Variants in AHDC1 observed in about 807,000 individuals in gnomAD.
The protein encoded by AHDC1 is AT-hook DNA binding motif containing 1.
In AHDC1, 7 loss-of-function variants were observed where a neutral mutation model predicts 87.9. The observed-to-expected ratio is 0.08, with a 90% CI of 0.05 to 0.15. The LOEUF (loss-of-function observed/expected upper bound fraction) is 0.15, where lower values mean the gene tolerates loss of function less well. AHDC1 is among the 10% of genes least tolerant of loss of function. The pLI is 1.00. For synonymous variants in AHDC1, 1,051 were observed against 1,006.8 expected, an observed-to-expected ratio of 1.04 and a Z score of -0.83; for missense variants, 1,841 against 2,253.2, an observed-to-expected ratio of 0.82 and a Z score of 3.70.
rs1474569517 is a variant in AHDC1 at position 27,548,838 on chromosome 1, T to TGGAAGGAGG, written c.3269_3277dup (p.Phe1092_Gln1093insProSerPhe). Reference sequence around the variant, plus strand: ...CTGCCGACAGTTCTCGGGCGAGGGCTGGAAGGAGGAGGAGGAGGAGGAGGC... The same window carrying TGGAAGGAGG: ...CTGCCGACAGTTCTCGGGCGAGGGCTGGAAGGAGGGGAAGGAGGAGGAGGAGGAGGAGGC... On this transcript the variant is annotated inframe_insertion, in exon 8 of 9. Coordinates refer to ENST00000673934, the MANE Select transcript of AHDC1 (RefSeq NM_001371928.1). The TGGAAGGAGG allele has an allele frequency of 1.2e-6, 2 of 1,612,724 alleles. No homozygotes were observed. Among genetic ancestry groups the TGGAAGGAGG allele is most frequent in the Non-Finnish European group, 8.5e-7 (1 of 1,179,812 alleles).
chr1:27,588,935 G>A (rs895227569), intron 3 of AHDC1, among the ~76,000 whole-genome samples: 1 of 152,222 alleles, frequency 6.6e-6, no homozygotes, highest in South Asian at 2.1e-4. Flanking sequence ...ACACATGAAG[G>A]AAGGGTGAGT....
intron 3 of AHDC1, among the ~76,000 whole-genome samples, chr1:27,602,998 C>T: frequency 7.0e-6 from 1 of 143,134 alleles, no homozygotes; most frequent in South Asian, 2.5e-4. Flanking sequence ...CCCCCCCCCC[C>T]ACATTCTCAG....
rs759224735 is a variant in AHDC1 at position 27,551,000 on chromosome 1, G to A, written c.1116C>T (p.Gly372=). 9 of 1,572,612 alleles carry A rather than the reference G, an allele frequency of 5.7e-6. No homozygotes were observed. In the African/African-American group the frequency reaches 9.5e-5, roughly 17 times the overall value. The change falls in exon 8 of 9, where the codon GGC becomes GGT. Residue 372 remains glycine (G), a synonymous_variant. Transcript: ENST00000673934. ...PLRLDLCSPH[G]PPGPEGHPKY... is the part of the protein sequence containing the mutation. ...TGGGGTGACCCTCAGGCCCGGGGGG[G>A]CCGTGCGGTGAGCACAAGTCCAGGC... is the stretch of plus-strand genomic sequence containing the variant.
At chr1:27,557,424 C>A (rs564798849) in intron 5 of AHDC1, among the ~76,000 whole-genome samples, 1 of 152,014 alleles carries the variant, frequency 6.6e-6, no homozygotes, top group African/African-American at 2.4e-5. Flanking sequence ...CACGCCCCCC[C>A]GCTCCCCGCC....
chr1:27,574,227 G>A (rs1438135146), intron 3 of AHDC1, among the ~76,000 whole-genome samples: 1 of 152,230 alleles, frequency 6.6e-6, no homozygotes, highest in Non-Finnish European at 1.5e-5. Context: ...CCCAGTGGAA[G>A]GCAAAAGGAG....
intron 8 of AHDC1, among the ~76,000 whole-genome samples, chr1:27,536,390 G>T (rs1160544966): frequency 6.6e-6 from 1 of 152,200 alleles, no homozygotes; most frequent in African/African-American, 2.4e-5. Context: ...CTGCATCTTT[G>T]TTAAGCTGTC....
intron 5 of AHDC1, among the ~76,000 whole-genome samples, chr1:27,557,927 G>C (rs902342223): frequency 6.6e-6 from 1 of 152,154 alleles, no homozygotes; most frequent in Non-Finnish European, 1.5e-5. Flanking sequence ...TTGCACACAA[G>C]CTTGAGTGCC....
intron 3 of AHDC1, among the ~76,000 whole-genome samples, chr1:27,566,083 G>A (rs1271078584): frequency 6.6e-6 from 1 of 152,166 alleles, no homozygotes; most frequent in Admixed American, 6.5e-5. Flanking sequence ...GGCCTGGGAA[G>A]GAAACAACCT....
rs1308397714 is a variant in AHDC1, at chr1:27,590,149, G to A, written c.-629+13248C>T. Among the ~76,000 whole-genome samples the A allele has an allele frequency of 1.3e-5, 2 of 152,154 alleles. No individual in the cohort carries two copies. The highest frequency in any genetic ancestry group is 2.9e-5 in the Non-Finnish European group (2 of 67,994). On this transcript the variant is annotated intron_variant, in intron 3 of 8. Coordinates refer to ENST00000673934, the MANE Select transcript of AHDC1 (RefSeq NM_001371928.1). This position sits in a 1 kb window ranked among gnomAD's most constrained non-coding sequence, Gnocchi z 5.4. ...AGGGGAGGGATGAGCTGCAGGCCCCGGCCGGGATTTTCCATCTCTCAGCAA... is the reference window on the plus strand; with the variant it reads ...AGGGGAGGGATGAGCTGCAGGCCCCAGCCGGGATTTTCCATCTCTCAGCAA...
At chr1:27,538,530 T>C (rs2018755019) in intron 8 of AHDC1, among the ~76,000 whole-genome samples, 1 of 151,798 alleles carries the variant, frequency 6.6e-6, no homozygotes. Context: ...TTGTTTTTTT[T>C]TTGAGACAGG....
rs570409811 is a variant in AHDC1 at position 27,562,002 on chromosome 1, A to G, written c.-628-3119T>C. On this transcript the variant is annotated intron_variant, in intron 3 of 8. Coordinates refer to ENST00000673934, the MANE Select transcript of AHDC1 (RefSeq NM_001371928.1). This position sits in a 1 kb window ranked among gnomAD's most constrained non-coding sequence, Gnocchi z 4.4. ...AGTAAGGACCAAGGAAGAGCCCCAG[A>G]GGGGAGAGAGGCACGGGGGAAGCGA... is the stretch of plus-strand genomic sequence containing the variant. Among the ~76,000 whole-genome samples, 385 of 152,086 alleles carry G rather than the reference A, an allele frequency of 2.5e-3. 3 individuals carry two copies. Among genetic ancestry groups the G allele is most frequent in the African/African-American group, 8.9e-3 (370 of 41,468 alleles).
intron 3 of AHDC1, among the ~76,000 whole-genome samples, chr1:27,576,213 TGG>T (rs1247274325): frequency 6.6e-6 from 1 of 152,094 alleles, no homozygotes; most frequent in Non-Finnish European, 1.5e-5. Flanking sequence ...ACCTGTAAAT[TGG>T]GGTTGAGCTA....
chr1:27,557,848 G>C (rs1011862771), intron 5 of AHDC1, among the ~76,000 whole-genome samples: 1 of 152,132 alleles, frequency 6.6e-6, no homozygotes, highest in Non-Finnish European at 1.5e-5. Flanking sequence ...CCCCAGCCCA[G>C]TCCACTTACA....
intron 3 of AHDC1, among the ~76,000 whole-genome samples, chr1:27,597,470 G>C (rs1357830578): frequency 1.3e-5 from 2 of 152,136 alleles, no homozygotes; most frequent in East Asian, 3.8e-4. Flanking sequence ...GTGAATGTGA[G>C]GGGGTGTTTC....
chr1:27,548,951 G>A lies in AHDC1; in HGVS notation c.3165C>T (p.Arg1055=), dbSNP rs1034118452. ...AGACTGTGCTGGCCCGGCTGTCACA[G>A]CGCAGGGGCGTGGGGGCTGAACCAG... ...PFSGSAPTPL[R]CDSRASTVSP... The change falls in exon 8 of 9, where the codon CGC becomes CGT. Residue 1055 remains arginine (R), a synonymous_variant. Transcript: ENST00000673934. The A allele has an allele frequency of 1.9e-6, 3 of 1,579,440 alleles. No homozygotes were observed. In the Admixed American group the frequency reaches 5.4e-5, roughly 29 times the overall value.
chr1:27,549,550 C>T lies in AHDC1; in HGVS notation c.2566G>A (p.Ala856Thr). The change falls in exon 8 of 9, where the codon GCC becomes ACC. Residue 856 changes from alanine to threonine, a missense_variant. By Grantham distance (58) the Ala-to-Thr change is moderately conservative. This residue lies in a region of AHDC1 where 378 missense variants were observed against 399.0 expected (regional missense o/e 0.95). Transcript: ENST00000673934. ...SDDSSDLLDFALSASRPESRK... is the reference protein window; with the variant it reads ...SDDSSDLLDFTLSASRPESRK... ...GACTCTGGGCGAGAGGCTGAGAGGG[C>T]AAAGTCCAAGAGATCGGAGGAGTCA... 1 of 1,613,228 alleles carries T rather than the reference C, an allele frequency of 6.2e-7. No individual in the cohort carries two copies. Among genetic ancestry groups the T allele is most frequent in the Middle Eastern group, 1.6e-4 (1 of 6,062 alleles).
In AHDC1 at chr1:27,550,015, T is replaced by C. The variant is rs2019443292; in HGVS notation, c.2101A>G (p.Lys701Glu). Residue 701 changes from lysine to glutamate, a missense_variant, in exon 8 of 9, where the codon AAA (lysine) becomes GAA (glutamate). Around this residue, in one of 13 missense-constraint regions of AHDC1, gnomAD observed 236 missense variants for 257.9 expected, o/e 0.92. Transcript: ENST00000673934. ...GCTGCCACGGCCACCACCTTCTTTT[T>C]CTTGCCGATGCCCTCAAAGAAGTCA... ...FSDFFEGIGKKKKVVAVAAAG... is the reference protein window; with the variant it reads ...FSDFFEGIGKEKKVVAVAAAG... The C allele has an allele frequency of 6.3e-7, 1 of 1,599,210 alleles. No homozygotes were observed. Among genetic ancestry groups the C allele is most frequent in the Non-Finnish European group, 8.5e-7 (1 of 1,170,242 alleles).
chr1:27,602,996 C>CCG (rs1553167061), intron 3 of AHDC1, among the ~76,000 whole-genome samples: 2 of 143,324 alleles, frequency 1.4e-5, no homozygotes, highest in African/African-American at 2.5e-5. Flanking sequence ...TCCCCCCCCC[C>CCG]CCACATTCTC....
At chr1:27,604,007 C>T (rs1189178880) in intron 1 of AHDC1, 99 bp downstream of exon 1, 3 of 149,778 alleles carry the variant, frequency 2.0e-5, no homozygotes, top group Admixed American at 2.0e-4. Context: ...CTGAGCGCAG[C>T]CTGGCGGGTG....
Sources: allele counts gnomAD v4.1 joint callset (sites outside exome capture counted in the v4.1 genomes callset), GRCh38; gene constraint gnomAD v4.1.1; regional missense constraint gnomAD v4.1.1; non-coding constraint Gnocchi (gnomAD v3.1); transcripts MANE v1.5; gene names NCBI Gene and HGNC (gene_info 2026-07-23, HGNC 2026-07-21).